The following CSMD1 variants were observed in gnomAD, a reference collection of about 807,000 sequenced individuals.
CSMD1 encodes CUB and Sushi multiple domains 1.
CSMD1 carries 213 observed loss-of-function variants against 417.5 expected under a neutral mutation model. The ratio of observed to expected loss-of-function variants is 0.51; its 90% confidence interval spans 0.46 to 0.57. The LOEUF is 0.57. CSMD1 is among the 20% of genes least tolerant of loss of function. The pLI is 0.00. For synonymous variants in CSMD1, 2,862 were observed against 1,736.8 expected (o/e 1.65, Z -16.11); for missense variants, 6,923 against 4,529.7 (o/e 1.53, Z -15.17).
At chr8:3,844,674 T>C (rs1317053828) in intron 5 of CSMD1, among the ~76,000 whole-genome samples, 1 of 152,186 alleles carries the variant, frequency 6.6e-6, no homozygotes, top group Non-Finnish European at 1.5e-5. Context: ...TTTGAATTCA[T>C]CATTGTCGGG....
At chr8:3,485,945 T>C (rs1370771427) in intron 11 of CSMD1, among the ~76,000 whole-genome samples, 1 of 152,142 alleles carries the variant, frequency 6.6e-6, no homozygotes, top group African/African-American at 2.4e-5. Flanking sequence ...ACGAAGTCTA[T>C]AAAGATCCCT....
At chr8:4,793,818 C>G (rs867434790) in intron 1 of CSMD1, among the ~76,000 whole-genome samples, 1 of 132,022 alleles carries the variant, frequency 7.6e-6, no homozygotes, top group South Asian at 2.8e-4. Flanking sequence ...AGAAAGCAGG[C>G]CACAACCCCA....
At chr8:3,832,642 T>G (rs1274072958) in intron 5 of CSMD1, among the ~76,000 whole-genome samples, 1 of 152,148 alleles carries the variant, frequency 6.6e-6, no homozygotes, top group Non-Finnish European at 1.5e-5. Context: ...AGATTTCAAG[T>G]ACTTACAACG....
chr8:3,535,559 GGAA>G (rs780774071), intron 10 of CSMD1, among the ~76,000 whole-genome samples: 9 of 152,202 alleles, frequency 5.9e-5, no homozygotes, highest in African/African-American at 1.2e-4. Flanking sequence ...CTGGTGGGTA[GGAA>G]GAAGAAGGAT....
At chr8:2,999,248 G>C (rs1807183119) in intron 53 of CSMD1, among the ~76,000 whole-genome samples, 1 of 150,312 alleles carries the variant, frequency 6.7e-6, no homozygotes, top group Non-Finnish European at 1.5e-5. Flanking sequence ...TCCATCTCCA[G>C]GGTTCAAGCA....
intron 12 of CSMD1, among the ~76,000 whole-genome samples, chr8:3,465,372 G>A (rs1222997702): frequency 6.6e-6 from 1 of 152,154 alleles, no homozygotes; most frequent in Non-Finnish European, 1.5e-5. Context: ...CAGCACAAAT[G>A]GAGAAATCTC....
chr8:4,891,382 T>C (rs1804112587), intron 1 of CSMD1, among the ~76,000 whole-genome samples: 1 of 152,188 alleles, frequency 6.6e-6, no homozygotes, highest in African/African-American at 2.4e-5. Flanking sequence ...TTGAATAACT[T>C]GACCCTTGAT....
chr8:3,413,152 G>A (rs1042709428), intron 12 of CSMD1, among the ~76,000 whole-genome samples: 13 of 152,164 alleles, frequency 8.5e-5, no homozygotes, highest in Non-Finnish European at 1.8e-4. Context: ...ATATTGCACT[G>A]GAAATACAAT....
At chr8:3,569,320 T>A (rs1259699110) in intron 10 of CSMD1, among the ~76,000 whole-genome samples, 1 of 152,202 alleles carries the variant, frequency 6.6e-6, no homozygotes, top group Non-Finnish European at 1.5e-5. Context: ...ATTCCGCAAG[T>A]AATTATTTTG....
chr8:4,348,307 T>A (rs1392691590), intron 3 of CSMD1, among the ~76,000 whole-genome samples: 1 of 152,100 alleles, frequency 6.6e-6, no homozygotes, highest in Non-Finnish European at 1.5e-5. Context: ...GTTCTGTGGA[T>A]GCCTTTGTAA....
intron 1 of CSMD1, among the ~76,000 whole-genome samples, chr8:4,838,174 G>C (rs1285185053): frequency 6.6e-6 from 1 of 152,182 alleles, no homozygotes. Flanking sequence ...GTGGAAGTTA[G>C]CTTGTGTGCA....
chr8:4,676,218 G>A (rs1421915561), intron 1 of CSMD1, among the ~76,000 whole-genome samples: 2 of 152,122 alleles, frequency 1.3e-5, no homozygotes, highest in South Asian at 2.1e-4. Flanking sequence ...TGGTACTTGG[G>A]ATTGAAGATT....
chr8:2,968,770 G>C (rs1175924528), intron 57 of CSMD1, among the ~76,000 whole-genome samples: 1 of 152,006 alleles, frequency 6.6e-6, no homozygotes, highest in Non-Finnish European at 1.5e-5. Flanking sequence ...ATTAGAAGAG[G>C]AAAAGTAAAC....
At position 3,291,982 on chromosome 8, in the gene CSMD1, C is replaced by A. The variant is rs540467824; in HGVS notation, c.3951-7636G>T. ...GGCATTTAGTGCTATAAATTTTCCTCTACACACTGCTTTGAATGTGTCCCA... is the reference window on the plus strand; with the variant it reads ...GGCATTTAGTGCTATAAATTTTCCTATACACACTGCTTTGAATGTGTCCCA... On this transcript the variant is annotated intron_variant, in intron 25 of 69. Transcript: ENST00000635120. Among the ~76,000 whole-genome samples the A allele has an allele frequency of 2.0e-5, 3 of 151,960 alleles. No homozygotes were observed. In the East Asian group the frequency reaches 5.8e-4, roughly 29 times the overall value.
At position 3,230,130 on chromosome 8, in the gene CSMD1, G is replaced by T. The variant is rs1222905556; in HGVS notation, c.4255C>A (p.Pro1419Thr). 6.2e-7 allele frequency: 1 copy of T among 1,613,546 alleles called. No individual in the cohort carries two copies. The highest frequency in any genetic ancestry group is 1.7e-5 in the Admixed American group (1 of 59,940). The change falls in exon 27 of 70, where the codon CCT becomes ACT. Residue 1419 changes from proline (P) to threonine (T), a missense_variant. Pro to Thr is a conservative substitution (Grantham distance 38). Transcript: ENST00000635120. ...GCTTGTCCTTGGAGCTGATAGCCAG[G>T]GTCACACTGGAATGTGACGGTGTCT... is the stretch of plus-strand genomic sequence containing the variant. Reference protein sequence around the residue: ...AGDTVTFQCDPGYQLQGQAKI... With the variant: ...AGDTVTFQCDTGYQLQGQAKI...
chr8:4,273,531 T>C (rs1804732109), intron 3 of CSMD1, among the ~76,000 whole-genome samples: 1 of 152,182 alleles, frequency 6.6e-6, no homozygotes, highest in South Asian at 2.1e-4. Flanking sequence ...GACATTCTAT[T>C]AACTTCAATT....
rs956145888 is a variant in CSMD1, at chr8:3,932,098, A to G, written c.818+65805T>C. 6.6e-5 allele frequency among the ~76,000 whole-genome samples: 10 copies of G among 150,564 alleles called. 1 individual carries two copies. The highest frequency in any genetic ancestry group is 2.6e-4 in the Admixed American group (4 of 15,140). ...ATCTATTGGAATGACACACATCCAG[A>G]ATAACATTCTTGAAAGTAGATGATT... On this transcript the variant is annotated intron_variant, in intron 5 of 69. Coordinates refer to ENST00000635120, the MANE Select transcript of CSMD1 (RefSeq NM_033225.6).
At chr8:4,143,829 G>C (rs13253398) in intron 3 of CSMD1, among the ~76,000 whole-genome samples, 45,096 of 150,824 alleles carry the variant, frequency 0.3, 8,378 homozygotes, top group Non-Finnish European at 0.39. Flanking sequence ...ACAGTTTTCT[G>C]GGATTTAAGT....
At chr8:3,463,067 C>T (rs910877550) in intron 12 of CSMD1, among the ~76,000 whole-genome samples, 8 of 152,194 alleles carry the variant, frequency 5.3e-5, no homozygotes, top group African/African-American at 1.9e-4. Flanking sequence ...TCTGCCACTG[C>T]CTTGATCGTG....
Sources: allele counts gnomAD v4.1 joint callset (sites outside exome capture counted in the v4.1 genomes callset), GRCh38; gene constraint gnomAD v4.1.1; transcripts MANE v1.5; gene names NCBI Gene and HGNC (gene_info 2026-07-23, HGNC 2026-07-21).